Variants in CSMD1 observed in about 807,000 individuals in gnomAD.
CSMD1 encodes the protein CUB and sushi domain-containing protein 1.
A neutral mutation model predicts 417.5 loss-of-function variants in CSMD1; 213 were observed. That is an observed-to-expected ratio of 0.51 (90% CI 0.46 to 0.57). The LOEUF (loss-of-function observed/expected upper bound fraction) is 0.57. Ranked by LOEUF, CSMD1 falls within the 20% of genes least tolerant of loss-of-function variation. The pLI is 0.00. For missense variants in CSMD1, 6,923 were observed against 4,529.7 expected (o/e 1.53, Z -15.17); for synonymous variants, 2,862 against 1,736.8 (o/e 1.65, Z -16.11).
chr8:4,858,076 G>A (rs1801908535), intron 1 of CSMD1, among the ~76,000 whole-genome samples: 1 of 151,918 alleles, frequency 6.6e-6, no homozygotes, highest in South Asian at 2.1e-4. Context: ...ATGATCAAGT[G>A]GGCTGCATCC....
chr8:3,090,080 C>T (rs1460091234), intron 48 of CSMD1, among the ~76,000 whole-genome samples: 1 of 151,466 alleles, frequency 6.6e-6, no homozygotes, highest in East Asian at 1.9e-4. Flanking sequence ...TTTGGGAGGC[C>T]GAGGCGGCCG....
intron 1 of CSMD1, among the ~76,000 whole-genome samples, chr8:4,758,121 G>T (rs899208724): frequency 1.3e-5 from 2 of 152,024 alleles, no homozygotes; most frequent in African/African-American, 4.8e-5. Context: ...GGAAATAATT[G>T]GCAACATTGA....
intron 12 of CSMD1, among the ~76,000 whole-genome samples, chr8:3,416,032 C>G (rs146545290): frequency 6.6e-6 from 1 of 151,994 alleles, no homozygotes. Flanking sequence ...CTGGGCGCGG[C>G]GGCTCACACC....
intron 3 of CSMD1, among the ~76,000 whole-genome samples, chr8:4,358,384 A>G (rs1220512592): frequency 6.6e-6 from 1 of 152,178 alleles, no homozygotes; most frequent in Non-Finnish European, 1.5e-5. Context: ...GAAAAGAAAA[A>G]GAAGGGGACT....
chr8:4,049,897 G>T (rs964071209), intron 3 of CSMD1, among the ~76,000 whole-genome samples: 1 of 100,870 alleles, frequency 9.9e-6, no homozygotes, highest in Non-Finnish European at 1.9e-5. Flanking sequence ...AGTAACGTTC[G>T]CTTTCTGTTT....
intron 10 of CSMD1, among the ~76,000 whole-genome samples, chr8:3,511,250 T>G (rs6995973): frequency 0.42 from 63,613 of 151,088 alleles, 13,869 homozygotes; most frequent in African/African-American, 0.49. Flanking sequence ...GGCTAGGGAA[T>G]GAATAGCATT....
At chr8:4,328,008 G>A (rs1018842322) in intron 3 of CSMD1, among the ~76,000 whole-genome samples, 5 of 152,050 alleles carry the variant, frequency 3.3e-5, no homozygotes, top group Admixed American at 2.0e-4. Context: ...TATTCATTTG[G>A]GAAATGATAA....
intron 3 of CSMD1, among the ~76,000 whole-genome samples, chr8:4,143,131 A>G (rs368552939): frequency 1.3e-5 from 2 of 150,920 alleles, no homozygotes; most frequent in Admixed American, 6.6e-5. Flanking sequence ...GATTGGAATT[A>G]GCATTTCTAG....
intron 2 of CSMD1, among the ~76,000 whole-genome samples, chr8:4,539,310 T>C (rs540135525): frequency 2.6e-5 from 4 of 152,350 alleles, no homozygotes; most frequent in African/African-American, 9.6e-5. Context: ...AATATATCTT[T>C]TAAGACATTT....
At chr8:4,919,347 G>C (rs371143462) in intron 1 of CSMD1, among the ~76,000 whole-genome samples, 7 of 152,082 alleles carry the variant, frequency 4.6e-5, no homozygotes, top group Admixed American at 1.3e-4. Flanking sequence ...ATGAAACTTT[G>C]CTGGTACTTA....
intron 3 of CSMD1, among the ~76,000 whole-genome samples, chr8:4,319,194 C>T (rs181022585): frequency 6.6e-6 from 1 of 152,130 alleles, no homozygotes; most frequent in African/African-American, 2.4e-5. Context: ...CCCAGTAATT[C>T]CAATTACAGA....
At chr8:3,373,841 A>G (rs902206193) in intron 18 of CSMD1, 2 of 152,220 alleles carry the variant, frequency 1.3e-5, no homozygotes, top group African/African-American at 2.4e-5. Context: ...GGTATGTTAC[A>G]TTAGAAATCT....
chr8:3,963,646 T>C (rs938288048), intron 5 of CSMD1, among the ~76,000 whole-genome samples: 2 of 152,256 alleles, frequency 1.3e-5, no homozygotes, highest in African/African-American at 4.8e-5. Flanking sequence ...TTTTAAATAC[T>C]AAAGCTATGT....
chr8:4,375,473 G>C (rs938573705), intron 3 of CSMD1, among the ~76,000 whole-genome samples: 24 of 152,130 alleles, frequency 1.6e-4, no homozygotes, highest in Non-Finnish European at 2.6e-4. Context: ...TAGTTTTACA[G>C]TCCATCTTAT....
At chr8:3,623,699 G>GGGGCTCAT (rs1796364471) in intron 7 of CSMD1, among the ~76,000 whole-genome samples, 1 of 152,164 alleles carries the variant, frequency 6.6e-6, no homozygotes, top group Non-Finnish European at 1.5e-5. Flanking sequence ...TCCAGGGCCG[G>GGGGCTCAT]GCGTGGGGGC....
chr8:3,713,519 A>G (rs1008560073), intron 6 of CSMD1, among the ~76,000 whole-genome samples: 1 of 151,908 alleles, frequency 6.6e-6, no homozygotes, highest in Non-Finnish European at 1.5e-5. Flanking sequence ...CCCAGCCCCC[A>G]CAGCCAGACA....
chr8:4,599,429 T>G (rs1389815920), intron 2 of CSMD1, among the ~76,000 whole-genome samples: 1 of 151,976 alleles, frequency 6.6e-6, no homozygotes, highest in Non-Finnish European at 1.5e-5. Flanking sequence ...AATCCTAAAT[T>G]GGAGTAAATT....
intron 48 of CSMD1, among the ~76,000 whole-genome samples, chr8:3,090,397 T>C (rs7013012): frequency 6.6e-6 from 1 of 151,062 alleles, no homozygotes; most frequent in Non-Finnish European, 1.5e-5. Flanking sequence ...AATCCCATCA[T>C]TGCATCGATG....
At chr8:4,278,208 G>C (rs1796591598) in intron 3 of CSMD1, among the ~76,000 whole-genome samples, 1 of 152,136 alleles carries the variant, frequency 6.6e-6, no homozygotes, top group Non-Finnish European at 1.5e-5. Context: ...GTGCTCAATA[G>C]AGCCAAGCTT....
Sources: gnomAD v4.1 joint callset for allele counts (sites outside exome capture counted in the v4.1 genomes callset) on GRCh38, gnomAD v4.1.1 for gene constraint, MANE v1.5 for transcripts, NCBI Gene and HGNC (gene_info 2026-07-23, HGNC 2026-07-21) for gene names.